COLGALT2: variants seen among roughly 807,000 people sequenced by gnomAD.
COLGALT2 encodes the protein collagen beta(1-O)galactosyltransferase 2, also known as procollagen galactosyltransferase 2.
In COLGALT2, 49 loss-of-function variants were observed where a neutral mutation model predicts 73.4. That is an observed-to-expected ratio of 0.67 (90% CI 0.53 to 0.85). The LOEUF (loss-of-function observed/expected upper bound fraction) is 0.85, where lower values mean the gene tolerates loss of function less well. Among genes scored for constraint, COLGALT2 ranks in the 40% least tolerant of loss-of-function variants. The pLI is 0.00. For missense variants in COLGALT2, 722 were observed against 790.2 expected (o/e 0.91, Z 1.03); for synonymous variants, 295 against 307.6 (o/e 0.96, Z 0.43).
At chr1:184,009,709 T>C (rs955117279) in intron 1 of COLGALT2, among the ~76,000 whole-genome samples, 4 of 152,210 alleles carry the variant, frequency 2.6e-5, no homozygotes, top group African/African-American at 9.6e-5. Context: ...AACCTGGTAG[T>C]AATGGTCCAA....
intron 4 of COLGALT2, among the ~76,000 whole-genome samples, chr1:183,972,763 G>T (rs939248025): frequency 2.0e-5 from 3 of 151,450 alleles, no homozygotes; most frequent in East Asian, 1.9e-4. Context: ...GCAGTGGCGC[G>T]ACCTCGGCTC....
At chr1:184,003,265 T>C (rs6424920) in intron 1 of COLGALT2, among the ~76,000 whole-genome samples, 66,997 of 152,094 alleles carry the variant, frequency 0.44, 19,583 homozygotes, top group African/African-American at 0.82. Flanking sequence ...CACTGTCTGA[T>C]TTCCAAGGCT....
intron 1 of COLGALT2, among the ~76,000 whole-genome samples, chr1:184,007,881 A>G (rs1672126466): frequency 6.6e-6 from 1 of 152,254 alleles, no homozygotes; most frequent in Non-Finnish European, 1.5e-5. Context: ...CTATTAAAGT[A>G]GAATACATAA....
intron 7 of COLGALT2, among the ~76,000 whole-genome samples, chr1:183,951,673 A>G (rs1558312217): frequency 6.6e-6 from 1 of 152,212 alleles, no homozygotes; most frequent in Non-Finnish European, 1.5e-5. Flanking sequence ...TGAAAACTAT[A>G]AAACACTGAT....
At chr1:183,956,305 A>T (rs1413034187) in intron 6 of COLGALT2, among the ~76,000 whole-genome samples, 1 of 152,200 alleles carries the variant, frequency 6.6e-6, no homozygotes, top group African/African-American at 2.4e-5. Flanking sequence ...TCTTAGGCCA[A>T]ACACAAGAGC....
intron 1 of COLGALT2, among the ~76,000 whole-genome samples, chr1:184,000,277 T>C (rs935072269): frequency 6.6e-6 from 1 of 152,206 alleles, no homozygotes; most frequent in African/African-American, 2.4e-5. Context: ...AAATATGTTC[T>C]GCAGTGGTGG....
chr1:184,027,271 A>T (rs1649360511), intron 1 of COLGALT2, among the ~76,000 whole-genome samples: 2 of 152,134 alleles, frequency 1.3e-5, no homozygotes, highest in African/African-American at 2.4e-5. Flanking sequence ...CAAACTCTGA[A>T]AATCCCATGA....
At position 184,013,752 on chromosome 1, in the gene COLGALT2, G is replaced by A. The variant is rs892114351; in HGVS notation, c.263+23343C>T. On this transcript the variant is annotated intron_variant, in intron 1 of 11. Transcript: ENST00000361927. ...ATAATGGATGAATTGGTGGGAGGGG[G>A]GGTAAAACAGAGGGGCAGAGCAATC... is the stretch of plus-strand genomic sequence containing the variant. Among the ~76,000 whole-genome samples the A allele has an allele frequency of 2.6e-5, 4 of 151,522 alleles. No homozygotes were observed. In the South Asian group the frequency reaches 8.3e-4, roughly 31 times the overall value.
At position 183,937,851 on chromosome 1, in the gene COLGALT2, A is replaced by C; in HGVS notation, c.*910T>G. On this transcript the variant is annotated 3_prime_UTR_variant, in exon 12 of 12. Transcript: ENST00000361927. ...CTGTCTCTTAGCAGTGACTCACAGAACTCACACCTGCGGTGGGTTCCCAGG... is the reference window on the plus strand; with the variant it reads ...CTGTCTCTTAGCAGTGACTCACAGACCTCACACCTGCGGTGGGTTCCCAGG... The C allele has an allele frequency of 2.0e-6, 2 of 985,468 alleles. No homozygotes were observed. The highest frequency in any genetic ancestry group is 2.4e-6 in the Non-Finnish European group (2 of 829,936). The allele number at this position is 985,468 out of a possible 1,614,324, so 61.0% of individuals were successfully genotyped here.
intron 1 of COLGALT2, among the ~76,000 whole-genome samples, chr1:184,020,490 T>C (rs978218637): frequency 1.3e-5 from 2 of 152,176 alleles, no homozygotes; most frequent in Non-Finnish European, 2.9e-5. Context: ...AAACCTTCTT[T>C]GTTGTTTTCC....
At chr1:183,981,978 T>G (rs188973395) in intron 1 of COLGALT2, among the ~76,000 whole-genome samples, 1 of 152,310 alleles carries the variant, frequency 6.6e-6, no homozygotes, top group African/African-American at 2.4e-5. Flanking sequence ...GAAAATATTA[T>G]CTTGTAAAAT....
Position 184,037,315 on chromosome 1 carries a change from G to A in COLGALT2, c.43C>T (p.Leu15Phe). ...PAATLAWSLL[L>F]LSSALLREGC... ...TCGCGGAGCAGGGCTGAGGAGAGGA[G>A]CAGTAGCGACCAGGCGAGGGTGGCA... Residue 15 changes from leucine (L) to phenylalanine (F), a missense_variant, in exon 1 of 12, where the codon CTC becomes TTC. Physicochemically the swap from Leu to Phe is conservative, Grantham distance 22 (BLOSUM62 0). Coordinates refer to ENST00000361927, the MANE Select transcript of COLGALT2 (RefSeq NM_015101.4). 1 of 1,517,506 alleles carries A rather than the reference G, an allele frequency of 6.6e-7. No homozygotes were observed. 94.0% of individuals were successfully genotyped at this position (1,517,506 alleles called of 1,614,324 possible).
chr1:183,930,331 A>G (rs749846762), intron 11 of COLGALT2: 17 of 455,952 alleles, frequency 3.7e-5, no homozygotes, highest in South Asian at 2.6e-4. Context: ...AGAGATGCTG[A>G]AAGGAGAAAA....
At chr1:183,969,214 G>T in intron 5 of COLGALT2, 55 bp downstream of exon 5, 1 of 1,423,484 alleles carries the variant, frequency 7.0e-7, no homozygotes, top group South Asian at 1.3e-5. Flanking sequence ...AAACAAAGGA[G>T]CTGGTCATTT....
rs973453146 is a variant in COLGALT2, at chr1:183,963,773, T to C, written c.952+128A>G. On this transcript the variant is annotated intron_variant, in intron 6 of 11. Transcript: ENST00000361927. ...ATTTAGGAAAGAATGAACAAATAAA[T>C]AGCTATGTATTCAGCCAGGGGAGAC... is the stretch of plus-strand genomic sequence containing the variant. The C allele has an allele frequency of 3.1e-6, 3 of 966,838 alleles. No homozygotes were observed. The Admixed American group carries it at 9.1e-5, about 29-fold the overall frequency. 59.9% of individuals were successfully genotyped at this position (966,838 alleles called of 1,614,324 possible). A position where few individuals can be genotyped will look rare whatever the true frequency, so the allele number is the denominator to read the frequency against.
intron 1 of COLGALT2, among the ~76,000 whole-genome samples, chr1:184,033,944 C>A (rs146064773): frequency 2.0e-5 from 3 of 152,312 alleles, no homozygotes; most frequent in Non-Finnish European, 2.9e-5. Context: ...AGCTCACAGC[C>A]ATTTTTGACA....
chr1:183,941,039 G>A (rs995566770), intron 10 of COLGALT2, among the ~76,000 whole-genome samples: 2 of 152,126 alleles, frequency 1.3e-5, no homozygotes, highest in African/African-American at 2.4e-5. Flanking sequence ...TTTTCAAGAC[G>A]GAAAGTAAGA....
At chr1:184,012,055 C>T (rs943175747) in intron 1 of COLGALT2, among the ~76,000 whole-genome samples, 1 of 151,924 alleles carries the variant, frequency 6.6e-6, no homozygotes, top group African/African-American at 2.4e-5. Flanking sequence ...TCTCCTTTTC[C>T]CCAAAAAAGA....
chr1:183,967,761 G>A (rs1259753960), intron 5 of COLGALT2, among the ~76,000 whole-genome samples: 1 of 152,220 alleles, frequency 6.6e-6, no homozygotes, highest in African/African-American at 2.4e-5. Context: ...AAAAAGCCCT[G>A]ACTTTGCTTC....
Sources: allele counts gnomAD v4.1 joint callset (sites outside exome capture counted in the v4.1 genomes callset), GRCh38; gene constraint gnomAD v4.1.1; transcripts MANE v1.5; gene names NCBI Gene and HGNC (gene_info 2026-07-23, HGNC 2026-07-21).